HSPA4: variants seen among roughly 807,000 people sequenced by gnomAD.
HSPA4 encodes heat shock 70 kDa protein 4.
A neutral mutation model predicts 106.2 loss-of-function variants in HSPA4; 25 were observed. The ratio of observed to expected loss-of-function variants is 0.24; its 90% CI spans 0.17 to 0.33. The LOEUF (loss-of-function observed/expected upper bound fraction) is 0.33. Among genes scored for constraint, HSPA4 ranks in the 10% least tolerant of loss-of-function variants. The probability of loss-of-function intolerance (pLI) is 1.00; values close to 1 mark genes in which losing one functional copy is unlikely to be tolerated. For missense variants in HSPA4, 841 were observed against 996.0 expected (o/e 0.84, Z 2.10); for synonymous variants, 332 against 333.6 (o/e 1.00, Z 0.05).
chr5:133,092,566 A>T, intron 12 of HSPA4, 134 bp from the exon 13 acceptor site: 1 of 671,308 alleles, frequency 1.5e-6, no homozygotes, highest in Non-Finnish European at 2.7e-6. Context: ...AATGTGGCCT[A>T]CCTGGAATTT....
At chr5:133,101,616 A>G (rs1265408339) in intron 16 of HSPA4, 143 bp from the exon 17 acceptor site, 2 of 712,240 alleles carry the variant, frequency 2.8e-6, no homozygotes, top group African/African-American at 1.9e-5. Context: ...AAGTAGCTTC[A>G]TATTTCCAAA....
intron 11 of HSPA4, 133 bp from the exon 12 acceptor site, chr5:133,091,060 A>C (rs960115078): frequency 3.8e-6 from 3 of 797,810 alleles, no homozygotes; most frequent in Non-Finnish European, 6.8e-6. Context: ...AAAAGGACCG[A>C]TTTTGCTTAT....
intron 1 of HSPA4, among the ~76,000 whole-genome samples, chr5:133,058,999 G>C (rs1765202314): frequency 6.6e-6 from 1 of 150,900 alleles, no homozygotes; most frequent in African/African-American, 2.4e-5. Flanking sequence ...GTGGTGGCAC[G>C]CGCCTGTAAT....
chr5:133,073,962 A>G lies in HSPA4; in HGVS notation c.530-31A>G, dbSNP rs762557413. On this transcript the variant is annotated intron_variant, in intron 5 of 18. Transcript: ENST00000304858. The stretch of plus-strand genomic sequence containing the variant: ...AATGAATTTTATTTACTTAGACGTT[A>G]TTTTTAATTTTTGTGTTTTTTCTTC... 54 of 1,496,980 alleles carry G rather than the reference A, an allele frequency of 3.6e-5. No homozygotes were observed. The South Asian group carries it at 6.2e-4, about 17-fold the overall frequency. The allele number at this position is 1,496,980 out of a possible 1,614,324, so 92.7% of individuals were successfully genotyped here.
At chr5:133,092,811 T>C (rs12055249) in intron 13 of HSPA4, 22 bp downstream of exon 13, 33,375 of 438,446 alleles carry the variant, frequency 0.076, 1,314 homozygotes, top group Middle Eastern at 0.14. Context: ...GTGGTGTTTT[T>C]TTTTTTTTTT....
chr5:133,073,897 G>C, intron 5 of HSPA4, 96 bp from the exon 6 acceptor site: 1 of 693,286 alleles, frequency 1.4e-6, no homozygotes, highest in South Asian at 2.6e-5. Flanking sequence ...AACACATGTA[G>C]TTGCATTCGT....
intron 1 of HSPA4, among the ~76,000 whole-genome samples, chr5:133,061,114 T>G (rs1765236132): frequency 6.6e-6 from 1 of 151,112 alleles, no homozygotes. Context: ...TGCATACATG[T>G]GTTTTCTTTT....
At chr5:133,086,019 GACCTAAAAC>G (rs1244878179) in intron 7 of HSPA4, among the ~76,000 whole-genome samples, 3 of 152,146 alleles carry the variant, frequency 2.0e-5, no homozygotes, top group African/African-American at 7.2e-5. Context: ...TTTCTCTGTA[GACCTAAAAC>G]ATCTAAAAAT....
rs1765850962 is a variant in HSPA4 at position 133,105,867 on chromosome 5, G to C, written c.*1431G>C. 6.6e-6 allele frequency: 1 copy of C among 152,060 alleles called. No homozygotes were observed. Among genetic ancestry groups the C allele is most frequent in the Non-Finnish European group, 1.5e-5 (1 of 68,028 alleles). The allele number at this position is 152,060 out of a possible 1,614,324, so 9.4% of individuals were successfully genotyped here. A position where few individuals can be genotyped will look rare whatever the true frequency, so the allele number is the denominator to read the frequency against. On this transcript the variant is annotated 3_prime_UTR_variant, in exon 19 of 19. Transcript: ENST00000304858. ...TGCAATGGAGAACAATTGCTTAGGA[G>C]GAGGAAGGGGAAAGTATACTTATGT...
At position 133,091,362 on chromosome 5, in the gene HSPA4, A is replaced by C. The variant is rs372248453; in HGVS notation, c.1548A>C (p.Ala516=). Residue 516 remains alanine (A), a synonymous_variant, in exon 12 of 19, where the codon GCA becomes GCC. Transcript: ENST00000304858. ...AGCCAATGGAAACAGATCAGAATGC[A>C]AAGGAGGAAGAGGTAATCTAGACAT... The part of the protein sequence containing the change: ...NEEPMETDQN[A]KEEEKMQVDQ... The C allele has an allele frequency of 8.1e-6, 13 of 1,613,074 alleles. No individual in the cohort carries two copies. Among genetic ancestry groups the C allele is most frequent in the African/African-American group, 2.7e-5 (2 of 74,894 alleles).
chr5:133,097,961 G>A (rs1485149920), intron 15 of HSPA4, among the ~76,000 whole-genome samples: 1 of 149,290 alleles, frequency 6.7e-6, no homozygotes. Context: ...GTGGTTTTTG[G>A]TTACATGGAT....
At chr5:133,055,291 G>C (rs1765145763) in intron 1 of HSPA4, among the ~76,000 whole-genome samples, 1 of 143,494 alleles carries the variant, frequency 7.0e-6, no homozygotes, top group Admixed American at 7.1e-5. Flanking sequence ...AATAGAAAAT[G>C]GTAGCAGGAA....
At position 133,097,795 on chromosome 5, in the gene HSPA4, C is replaced by T. The variant is rs537963412; in HGVS notation, c.1929+509C>T. On this transcript the variant is annotated intron_variant, in intron 15 of 18. Coordinates refer to ENST00000304858, the MANE Select transcript of HSPA4 (RefSeq NM_002154.4). The stretch of plus-strand genomic sequence containing the variant: ...AACTCCTGACCTCAGGTGATCCGCC[C>T]GCCTTGGCCTCCCGAAGTGCTGGGA... Among the ~76,000 whole-genome samples the T allele has an allele frequency of 5.7e-4, 86 of 151,972 alleles. 1 individual carries two copies. Among genetic ancestry groups the T allele is most frequent in the Non-Finnish European group, 8.1e-4 (55 of 67,940 alleles).
At chr5:133,061,124 T>TC (rs1212694704) in intron 1 of HSPA4, among the ~76,000 whole-genome samples, 1 of 150,720 alleles carries the variant, frequency 6.6e-6, no homozygotes, top group Non-Finnish European at 1.5e-5. Context: ...TGTTTTCTTT[T>TC]CTTTTTTTTT....
intron 8 of HSPA4, 100 bp downstream of exon 8, chr5:133,086,958 G>C: frequency 1.1e-6 from 1 of 882,980 alleles, no homozygotes; most frequent in Non-Finnish European, 1.8e-6. Context: ...AATTTTTATT[G>C]TATGAACTAA....
At chr5:133,087,668 G>C (rs572260651) in intron 8 of HSPA4, among the ~76,000 whole-genome samples, 53 of 152,230 alleles carry the variant, frequency 3.5e-4, no homozygotes, top group African/African-American at 1.3e-3. Flanking sequence ...CTGTCACCCA[G>C]GCTGGAGTGC....
chr5:133,073,350 T>A, intron 5 of HSPA4, 21 bp downstream of exon 5: 1 of 1,442,562 alleles, frequency 6.9e-7, no homozygotes, highest in Non-Finnish European at 9.6e-7. Flanking sequence ...CCGTTGATTA[T>A]TTTTTTGACT....
intron 3 of HSPA4, among the ~76,000 whole-genome samples, chr5:133,069,873 A>T (rs1765359028): frequency 6.6e-6 from 1 of 152,150 alleles, no homozygotes; most frequent in South Asian, 2.1e-4. Context: ...TTTGGTTGAA[A>T]GCTAAAATAG....
chr5:133,103,872 A>G lies in HSPA4; in HGVS notation c.2165A>G (p.Gln722Arg). The change falls in exon 18 of 19, where the codon CAG (glutamine) becomes CGG (arginine). Residue 722 changes from glutamine to arginine, a missense_variant. This residue lies in a region of HSPA4 where 328 missense variants were observed against 372.2 expected (regional missense o/e 0.88). Transcript: ENST00000304858. ...IISSFKNKEDQYDHLDAADMT... is the reference protein window; with the variant it reads ...IISSFKNKEDRYDHLDAADMT... ...ACTGTCTCCTGGTTGCAGGAGGACC[A>G]GTATGATCATTTGGATGCTGCTGAC... is the stretch of plus-strand genomic sequence containing the variant. 6.2e-7 allele frequency: 1 copy of G among 1,613,534 alleles called. No homozygotes were observed.
Sources: allele counts gnomAD v4.1 joint callset (sites outside exome capture counted in the v4.1 genomes callset), GRCh38; gene constraint gnomAD v4.1.1; regional missense constraint gnomAD v4.1.1; transcripts MANE v1.5; gene names NCBI Gene and HGNC (gene_info 2026-07-23, HGNC 2026-07-21).